LRIG2: variants seen among roughly 807,000 people sequenced by gnomAD.
The protein encoded by LRIG2 is leucine rich repeats and immunoglobulin like domains 2, also known as leucine-rich repeats and immunoglobulin-like domains protein 2.
Under a neutral mutation model 107.8 loss-of-function variants are expected in LRIG2, and 93 were observed. The observed-to-expected ratio is 0.86, with a 90% CI of 0.73 to 1.03. The LOEUF (loss-of-function observed/expected upper bound fraction) is 1.03. LRIG2 is among the 50% of genes least tolerant of loss of function. The probability of loss-of-function intolerance (pLI) is 0.00; values close to 1 mark genes in which losing one functional copy is unlikely to be tolerated. For missense variants in LRIG2, 1,226 were observed against 1,296.0 expected, an observed-to-expected ratio of 0.95 and a Z score of 0.83; for synonymous variants, 471 against 470.6, an observed-to-expected ratio of 1.00 and a Z score of -0.01.
intron 12 of LRIG2, 142 bp from the exon 13 acceptor site, chr1:113,110,100 T>C: frequency 1.7e-6 from 1 of 604,346 alleles, no homozygotes; most frequent in Non-Finnish European, 2.8e-6. Flanking sequence ...ACAAGGGAAT[T>C]GGACTGTAGC....
rs746786219 is a variant in LRIG2, at chr1:113,124,048, G to T, written c.3145G>T (p.Ala1049Ser). The T allele has an allele frequency of 6.2e-7, 1 of 1,614,156 alleles. No homozygotes were observed. Among genetic ancestry groups the T allele is most frequent in the Non-Finnish European group, 8.5e-7 (1 of 1,180,038 alleles). ...GTCCTGCCACAGGTTACAGGATCAT[G>T]CTTTTGATTTTAGTAGGACTCGGAA... ...SMSCHRLQDHAFDFSRTRNIQ... is the reference protein window; with the variant it reads ...SMSCHRLQDHSFDFSRTRNIQ... The change falls in exon 18 of 18, where the codon GCT becomes TCT. Residue 1049 changes from alanine to serine, a missense_variant. Transcript: ENST00000361127.
chr1:113,110,233 TCCCC>T lies in LRIG2; in HGVS notation c.1478-8_1478-5del. 1.9e-6 allele frequency: 3 copies of T among 1,555,436 alleles called. No homozygotes were observed. In the Admixed American group the frequency reaches 6.1e-5, roughly 32 times the overall value. On this transcript the variant is annotated splice_polypyrimidine_tract_variant and splice_region_variant and intron_variant, in intron 12 of 17. Coordinates refer to ENST00000361127, the MANE Select transcript of LRIG2 (RefSeq NM_014813.3). ...TGACTTGGCTACGGATGCATTTTTT[TCCCC>T]TTAGATGATTTTCTCAAGCCACAGA...
rs1277378694 is a variant in LRIG2 at position 113,130,559 on chromosome 1, G to A, written c.*6458G>A. On this transcript the variant is annotated 3_prime_UTR_variant, in exon 18 of 18. Coordinates refer to ENST00000361127, the MANE Select transcript of LRIG2 (RefSeq NM_014813.3). ...GAATAATCAGCCTTTTTGGTGGAAAGGTACATACAGAAGCTAAATCATCAT... is the reference window on the plus strand; with the variant it reads ...GAATAATCAGCCTTTTTGGTGGAAAAGTACATACAGAAGCTAAATCATCAT... 6.6e-6 allele frequency: 1 copy of A among 152,128 alleles called. No homozygotes were observed. The highest frequency in any genetic ancestry group is 1.5e-5 in the Non-Finnish European group (1 of 68,020). 9.4% of individuals were successfully genotyped at this position (152,128 alleles called of 1,614,324 possible). A position where few individuals can be genotyped will look rare whatever the true frequency, so the allele number is the denominator to read the frequency against.
At chr1:113,105,506 G>C (rs1171202009) in intron 11 of LRIG2, among the ~76,000 whole-genome samples, 1 of 152,154 alleles carries the variant, frequency 6.6e-6, no homozygotes, top group Non-Finnish European at 1.5e-5. Context: ...TTGATGCAAA[G>C]CCTTGTGGGG....
chr1:113,083,862 G>T (rs1653401004), intron 1 of LRIG2, among the ~76,000 whole-genome samples: 1 of 101,622 alleles, frequency 9.8e-6, no homozygotes, highest in Admixed American at 1.3e-4. Context: ...GTGGGGTGGG[G>T]GGAGGGGGGA....
chr1:113,089,174 T>G (rs943094337), intron 1 of LRIG2, among the ~76,000 whole-genome samples: 8 of 152,232 alleles, frequency 5.3e-5, no homozygotes, highest in Admixed American at 2.0e-4. Flanking sequence ...CAACTGCCTA[T>G]GGTGGCATAG....
At chr1:113,089,586 T>TGCCTGC (rs1653700254) in intron 1 of LRIG2, among the ~76,000 whole-genome samples, 1 of 151,906 alleles carries the variant, frequency 6.6e-6, no homozygotes, top group Non-Finnish European at 1.5e-5. Context: ...AGAATGCCTG[T>TGCCTGC]CTGCCTTTAT....
intron 1 of LRIG2, among the ~76,000 whole-genome samples, chr1:113,085,440 A>G (rs931057804): frequency 2.0e-5 from 3 of 152,142 alleles, no homozygotes; most frequent in Admixed American, 2.0e-4. Context: ...ATGCGCCACC[A>G]TGCCTGGCTA....
chr1:113,123,995 G>A lies in LRIG2; in HGVS notation c.3092G>A (p.Arg1031Lys). Residue 1031 changes from arginine to lysine, a missense_variant, in exon 18 of 18, where the codon AGA (arginine) becomes AAA (lysine). Physicochemically the swap from Arg to Lys is conservative, Grantham distance 26. Transcript: ENST00000361127. ...CATCAAAATGAGGGCCTGGCAGGGA[G>A]AGAGCCAGACTGTTCTGCTTCTTCC... is the stretch of plus-strand genomic sequence containing the variant. ...QLHQNEGLAGREPDCSASSMS... is the reference protein window; with the variant it reads ...QLHQNEGLAGKEPDCSASSMS... 1 of 1,614,142 alleles carries A rather than the reference G, an allele frequency of 6.2e-7. No individual in the cohort carries two copies. The highest frequency in any genetic ancestry group is 8.5e-7 in the Non-Finnish European group (1 of 1,180,028).
intron 13 of LRIG2, among the ~76,000 whole-genome samples, chr1:113,111,432 C>T (rs967835333): frequency 3.3e-5 from 5 of 152,138 alleles, no homozygotes; most frequent in African/African-American, 1.2e-4. Flanking sequence ...CACTGAGTAG[C>T]GTACATAGTA....
chr1:113,117,385 T>C (rs1655065501), intron 16 of LRIG2, among the ~76,000 whole-genome samples: 1 of 152,278 alleles, frequency 6.6e-6, no homozygotes, highest in South Asian at 2.1e-4. Context: ...GGAAGATTTA[T>C]TCCATTTCTT....
At chr1:113,085,531 G>A (rs949374849) in intron 1 of LRIG2, among the ~76,000 whole-genome samples, 5 of 152,176 alleles carry the variant, frequency 3.3e-5, no homozygotes, top group Non-Finnish European at 5.9e-5. Context: ...TGATCCGCCC[G>A]CCTTGGCTTC....
chr1:113,114,454 A>G lies in LRIG2; in HGVS notation c.2108A>G (p.Glu703Gly). 1 of 1,608,742 alleles carries G rather than the reference A, an allele frequency of 6.2e-7. No homozygotes were observed. The highest frequency in any genetic ancestry group is 1.3e-5 in the African/African-American group (1 of 74,316). The change falls in exon 15 of 18, where the codon GAG (glutamate) becomes GGG (glycine). Residue 703 changes from glutamate (E) to glycine (G), a missense_variant. By Grantham distance (98) the Glu-to-Gly change is moderately conservative (BLOSUM62 -2). Transcript: ENST00000361127. ...ACACCCTCATTTATTAGACCCCTGGAGGATAAGACAGTAACACGAGGTGAA... is the reference window on the plus strand; with the variant it reads ...ACACCCTCATTTATTAGACCCCTGGGGGATAAGACAGTAACACGAGGTGAA... ...LETPSFIRPL[E>G]DKTVTRGETA...
In LRIG2 at chr1:113,131,123, T is replaced by TG. The variant is rs1335888968; in HGVS notation, c.*7026dup. On this transcript the variant is annotated 3_prime_UTR_variant, in exon 18 of 18. Coordinates refer to ENST00000361127, the MANE Select transcript of LRIG2 (RefSeq NM_014813.3). ...CTAATTTTTGTATTTTTAGTAGAGATGGGGTTTCACCGTGTTGCCTAGGCT... is the reference window on the plus strand; with the variant it reads ...CTAATTTTTGTATTTTTAGTAGAGATGGGGGTTTCACCGTGTTGCCTAGGCT... 1 of 152,068 alleles carries TG rather than the reference T, an allele frequency of 6.6e-6. No homozygotes were observed. Among genetic ancestry groups the TG allele is most frequent in the Non-Finnish European group, 1.5e-5 (1 of 68,046 alleles). The allele number at this position is 152,068 out of a possible 1,614,324, so 9.4% of individuals were successfully genotyped here. A position where few individuals can be genotyped will look rare whatever the true frequency, so the allele number is the denominator to read the frequency against.
rs575661012 is a variant in LRIG2 at position 113,129,943 on chromosome 1, T to C, written c.*5842T>C. 2 of 152,092 alleles carry C rather than the reference T, an allele frequency of 1.3e-5. No homozygotes were observed. Among genetic ancestry groups the C allele is most frequent in the South Asian group, 4.2e-4 (2 of 4,808 alleles). 9.4% of individuals were successfully genotyped at this position (152,092 alleles called of 1,614,324 possible). Reference sequence around the variant, plus strand: ...TTTCACCCTGTCAGCCAGGCTGGAGTGCAATGGTGTGAACGTGGCTCACTG... The same window carrying C: ...TTTCACCCTGTCAGCCAGGCTGGAGCGCAATGGTGTGAACGTGGCTCACTG... On this transcript the variant is annotated 3_prime_UTR_variant, in exon 18 of 18. Coordinates refer to ENST00000361127, the MANE Select transcript of LRIG2 (RefSeq NM_014813.3).
intron 1 of LRIG2, among the ~76,000 whole-genome samples, chr1:113,083,540 T>A (rs910396953): frequency 1.3e-4 from 19 of 150,754 alleles, no homozygotes; most frequent in Admixed American, 5.3e-4. Context: ...GGGACGGGGT[T>A]TCTCCATGTT....
At chr1:113,102,211 G>A (rs1375407351) in intron 11 of LRIG2, among the ~76,000 whole-genome samples, 3 of 151,936 alleles carry the variant, frequency 2.0e-5, no homozygotes, top group African/African-American at 4.8e-5. Context: ...CAATTTTTTT[G>A]ATATTAATCA....
At chr1:113,081,579 G>A (rs1218866159) in intron 1 of LRIG2, among the ~76,000 whole-genome samples, 2 of 152,056 alleles carry the variant, frequency 1.3e-5, no homozygotes, top group Non-Finnish European at 2.9e-5. Context: ...GGAATGCAGT[G>A]GGGTGATTTC....
chr1:113,117,401 A>C (rs779099773), intron 16 of LRIG2, among the ~76,000 whole-genome samples: 11 of 152,202 alleles, frequency 7.2e-5, no homozygotes, highest in Non-Finnish European at 1.3e-4. Context: ...TTCTTCAGAG[A>C]CTTTTTTAGG....
Sources: gnomAD v4.1 joint callset for allele counts (sites outside exome capture counted in the v4.1 genomes callset) on GRCh38, gnomAD v4.1.1 for gene constraint, MANE v1.5 for transcripts, NCBI Gene and HGNC (gene_info 2026-07-23, HGNC 2026-07-21) for gene names.